The following RXRB variants were observed in gnomAD, a reference collection of about 807,000 sequenced individuals.
RXRB encodes the protein retinoic acid receptor RXR-beta.
Under a neutral mutation model 52.5 loss-of-function variants are expected in RXRB, and 18 were observed. That is an observed-to-expected ratio of 0.34 (90% CI 0.24 to 0.51). RXRB has a LOEUF of 0.51. RXRB is among the 20% of genes least tolerant of loss of function. The pLI, the probability that RXRB is intolerant of heterozygous loss-of-function variation, is 0.97. For synonymous variants in RXRB, 233 were observed against 267.1 expected, an observed-to-expected ratio of 0.87 and a Z score of 1.25; for missense variants, 455 against 698.2, an observed-to-expected ratio of 0.65 and a Z score of 3.92.
At position 33,196,108 on chromosome 6, in the gene RXRB, G is replaced by T; in HGVS notation, c.994-72C>A. On this transcript the variant is annotated intron_variant, in intron 5 of 9. Transcript: ENST00000374680. This position sits in a 1 kb window ranked among gnomAD's most constrained non-coding sequence, Gnocchi z 4.0. ...GGGAGCCCCCTTGTAAGAGGCTTTT[G>T]ACACCCCCTCCTTACATATAGTCTT... The T allele has an allele frequency of 6.3e-7, 1 of 1,582,634 alleles. No individual in the cohort carries two copies.
rs775854918 is a variant in RXRB, at chr6:33,197,231, C to T, written c.820+531G>A. On this transcript the variant is annotated intron_variant, in intron 4 of 9. Coordinates refer to ENST00000374680, the MANE Select transcript of RXRB (RefSeq NM_021976.5). This position sits in a 1 kb window ranked among gnomAD's most constrained non-coding sequence, Gnocchi z 4.4. ...TTGCATGACCTTGGGAAAGCCAAGC[C>T]TCAGGCTCATCTTCTCTAAAGTGGG... Among the ~76,000 whole-genome samples, 1 of 152,232 alleles carries T rather than the reference C, an allele frequency of 6.6e-6. No individual in the cohort carries two copies. Among genetic ancestry groups the T allele is most frequent in the Non-Finnish European group, 1.5e-5 (1 of 68,028 alleles).
chr6:33,200,367 C>T lies in RXRB; in HGVS notation c.110G>A (p.Arg37Gln), dbSNP rs375718015. The change falls in exon 1 of 10, where the codon CGG (arginine) becomes CAG (glutamine). Residue 37 changes from arginine to glutamine, a missense_variant. This residue lies in a region of RXRB where 225 missense variants were observed against 258.6 expected (regional missense o/e 0.87). Coordinates refer to ENST00000374680, the MANE Select transcript of RXRB (RefSeq NM_021976.5). The surrounding 1 kb of genome is among the most constrained non-coding windows in gnomAD (Gnocchi z 6.3). The stretch of plus-strand genomic sequence containing the variant: ...GGGATCCAGCCAGGGCCGTCGCCGC[C>T]GCCACCGGGACGCGACCCCACAATG... ...EMHCGVASRW[R>Q]RRRPWLDPAA... 8 of 1,566,322 alleles carry T rather than the reference C, an allele frequency of 5.1e-6. No homozygotes were observed. In the South Asian group the frequency reaches 5.8e-5, roughly 11 times the overall value.
chr6:33,200,110 G>T lies in RXRB; in HGVS notation c.235+132C>A. The T allele has an allele frequency of 7.8e-7, 1 of 1,281,262 alleles. No individual in the cohort carries two copies. Among genetic ancestry groups the T allele is most frequent in the South Asian group, 1.2e-5 (1 of 84,310 alleles). The allele number at this position is 1,281,262 out of a possible 1,614,324, so 79.4% of individuals were successfully genotyped here. ...CGGGGGGGAGGGTGCTAAGGCCCTC[G>T]GGAGGGAGGGGACGCGTGTTTACAA... is the stretch of plus-strand genomic sequence containing the variant. On this transcript the variant is annotated intron_variant, in intron 1 of 9. Transcript: ENST00000374680. The surrounding 1 kb of genome is among the most constrained non-coding windows in gnomAD (Gnocchi z 6.3).
chr6:33,198,078 G>C, intron 3 of RXRB, 137 bp from the exon 4 acceptor site: 3 of 1,067,874 alleles, frequency 2.8e-6, no homozygotes, highest in South Asian at 1.5e-5. Context: ...CAGGAGCTGA[G>C]TGATGATCCA....
At position 33,194,517 on chromosome 6, in the gene RXRB, G is replaced by A; in HGVS notation, c.*165C>T. On this transcript the variant is annotated 3_prime_UTR_variant, in exon 10 of 10. Coordinates refer to ENST00000374680, the MANE Select transcript of RXRB (RefSeq NM_021976.5). This position sits in a 1 kb window ranked among gnomAD's most constrained non-coding sequence, Gnocchi z 4.1. ...GGTATCTGGGGTCCCTTCCAACTTG[G>A]GATATCAAGCAGATCCCTTGGAGGG... is the stretch of plus-strand genomic sequence containing the variant. 1 of 663,182 alleles carries A rather than the reference G, an allele frequency of 1.5e-6. No individual in the cohort carries two copies. Among genetic ancestry groups the A allele is most frequent in the Non-Finnish European group, 2.4e-6 (1 of 412,572 alleles). The allele number at this position is 663,182 out of a possible 1,614,324, so 41.1% of individuals were successfully genotyped here.
Position 33,198,388 on chromosome 6 carries a change from CG to C in RXRB, c.559del (p.Arg187GlyfsTer84). On this transcript the variant is annotated frameshift_variant, in exon 3 of 10. Coordinates refer to ENST00000374680, the MANE Select transcript of RXRB (RefSeq NM_021976.5). LOFTEE classifies it high-confidence loss of function. ...TGGAGGGGGTGGACAGTGCAGGCCC[CG>C]GACCCCTAAGACTGGTGGCTTCACA... ...EDVKPPVLGVRGLHCPPPPGG... is the reference protein window; with the variant it reads ...EDVKPPVLGVXGLHCPPPPGG... The C allele has an allele frequency of 6.2e-7, 1 of 1,612,562 alleles. No homozygotes were observed. The highest frequency in any genetic ancestry group is 8.5e-7 in the Non-Finnish European group (1 of 1,179,726).
At chr6:33,200,726 C>G, upstream of RXRB, 1 of 1,545,714 alleles carries the variant, frequency 6.5e-7, no homozygotes, top group African/African-American at 1.4e-5. This position sits in a 1 kb window ranked among gnomAD's most constrained non-coding sequence, Gnocchi z 6.3. Context: ...CGGTCTCCTC[C>G]GGCCTGTTAG....
intron 3 of RXRB, 76 bp downstream of exon 3, chr6:33,198,232 A>G (rs574553393): frequency 9.3e-6 from 15 of 1,605,148 alleles, no homozygotes; most frequent in Middle Eastern, 1.7e-4. Context: ...ACCAAACTCC[A>G]TAAGCCCTGG....
Position 33,196,414 on chromosome 6 carries a change from G to A in RXRB, c.993+20C>T, listed in dbSNP as rs773965766. On this transcript the variant is annotated intron_variant, in intron 5 of 9. Coordinates refer to ENST00000374680, the MANE Select transcript of RXRB (RefSeq NM_021976.5). This position sits in a 1 kb window ranked among gnomAD's most constrained non-coding sequence, Gnocchi z 4.0. ...CCCAACCCCCATCACGAAGGAGAGT[G>A]GATTGACCCCAACACTCACGCTGCT... The A allele has an allele frequency of 6.2e-7, 1 of 1,611,238 alleles. No individual in the cohort carries two copies. The highest frequency in any genetic ancestry group is 8.5e-7 in the Non-Finnish European group (1 of 1,178,508).
upstream of RXRB, chr6:33,200,761 A>G (rs1401926885): frequency 1.3e-6 from 2 of 1,539,422 alleles, no homozygotes; most frequent in Non-Finnish European, 1.8e-6. The surrounding 1 kb of genome is among the most constrained non-coding windows in gnomAD (Gnocchi z 6.3). Context: ...CCTCCCCTCA[A>G]ATCACCTCCA....
At position 33,197,752 on chromosome 6, in the gene RXRB, G is replaced by GA; in HGVS notation, c.820+9_820+10insT. 3.1e-6 allele frequency: 5 copies of GA among 1,613,496 alleles called. No individual in the cohort carries two copies. Among genetic ancestry groups the GA allele is most frequent in the Non-Finnish European group, 4.2e-6 (5 of 1,179,824 alleles). On this transcript the variant is annotated intron_variant, in intron 4 of 9. Transcript: ENST00000374680. The surrounding 1 kb of genome is among the most constrained non-coding windows in gnomAD (Gnocchi z 4.4). ...GTGGTCTAAGACGCCTGGGCAGGGC[G>GA]GGTCCTTACCCTCCCTCTTCATGCC... is the stretch of plus-strand genomic sequence containing the variant.
upstream of RXRB, chr6:33,200,717 G>C (rs1179341791): frequency 6.5e-7 from 1 of 1,546,192 alleles, no homozygotes; most frequent in Non-Finnish European, 8.7e-7. The surrounding 1 kb of genome is among the most constrained non-coding windows in gnomAD (Gnocchi z 6.3). Flanking sequence ...CCGAGGAGGC[G>C]GTCTCCTCCG....
chr6:33,196,062 T>C lies in RXRB; in HGVS notation c.994-26A>G, dbSNP rs1010339761. On this transcript the variant is annotated intron_variant, in intron 5 of 9. Coordinates refer to ENST00000374680, the MANE Select transcript of RXRB (RefSeq NM_021976.5). The surrounding 1 kb of genome is among the most constrained non-coding windows in gnomAD (Gnocchi z 4.0). Reference sequence around the variant, plus strand: ...CTGCAGGGGACGGGGGTAAGAGTTATGGAAGATTTTGAGATATGCTGGGAG... The same window carrying C: ...CTGCAGGGGACGGGGGTAAGAGTTACGGAAGATTTTGAGATATGCTGGGAG... The C allele has an allele frequency of 6.2e-7, 1 of 1,612,304 alleles. No homozygotes were observed. Among genetic ancestry groups the C allele is most frequent in the Non-Finnish European group, 8.5e-7 (1 of 1,179,598 alleles).
intron 3 of RXRB, 84 bp from the exon 4 acceptor site, chr6:33,198,025 A>C: frequency 6.9e-7 from 1 of 1,441,416 alleles, no homozygotes; most frequent in Non-Finnish European, 9.5e-7. Flanking sequence ...CCCCTAGCAA[A>C]ACTTAAAGTC....
At position 33,196,309 on chromosome 6, in the gene RXRB, C is replaced by T. The variant is rs752966016; in HGVS notation, c.993+125G>A. On this transcript the variant is annotated intron_variant, in intron 5 of 9. Transcript: ENST00000374680. This position sits in a 1 kb window ranked among gnomAD's most constrained non-coding sequence, Gnocchi z 4.0. ...GTTTGAAAGACCTTGTTTGGCAGCA[C>T]CTCCAGTCCCAAGTAGTGTTAGGAA... 2.1e-5 allele frequency: 23 copies of T among 1,106,640 alleles called. No homozygotes were observed. The highest frequency in any genetic ancestry group is 2.9e-5 in the Non-Finnish European group (21 of 725,106). The allele number at this position is 1,106,640 out of a possible 1,614,324, so 68.6% of individuals were successfully genotyped here.
intron 2 of RXRB, 105 bp downstream of exon 2, chr6:33,199,064 T>G: frequency 1.3e-6 from 1 of 777,492 alleles, no homozygotes; most frequent in Non-Finnish European, 1.8e-6. Flanking sequence ...GGTTAGAGGA[T>G]TGGAAGGTCA....
Position 33,195,964 on chromosome 6 carries a change from T to C in RXRB, c.1066A>G (p.Arg356Gly). Residue 356 changes from arginine (R) to glycine (G), a missense_variant, in exon 6 of 10, where the codon AGG (arginine) becomes GGG (glycine). Arg to Gly is a moderately radical substitution (Grantham distance 125, BLOSUM62 -2). Coordinates refer to ENST00000374680, the MANE Select transcript of RXRB (RefSeq NM_021976.5). The surrounding 1 kb of genome is among the most constrained non-coding windows in gnomAD (Gnocchi z 8.6). Reference protein sequence around the residue: ...QLFTLVEWAKRIPHFSSLPLD... With the variant: ...QLFTLVEWAKGIPHFSSLPLD... Reference sequence around the variant, plus strand: ...GGCAAGGAGGAAAAGTGTGGGATCCTCTTCGCCCACTCAACAAGCGTGAAT... The same window carrying C: ...GGCAAGGAGGAAAAGTGTGGGATCCCCTTCGCCCACTCAACAAGCGTGAAT... 1 of 1,613,052 alleles carries C rather than the reference T, an allele frequency of 6.2e-7. No homozygotes were observed. The highest frequency in any genetic ancestry group is 8.5e-7 in the Non-Finnish European group (1 of 1,180,032).
chr6:33,198,649 G>GC (rs370827892), intron 2 of RXRB, 185 bp from the exon 3 acceptor site: 31 of 713,548 alleles, frequency 4.3e-5, no homozygotes, highest in South Asian at 1.2e-4. Flanking sequence ...GAATAAACAG[G>GC]CCCCCCCTGA....
In RXRB at chr6:33,197,267, A is replaced by G. The variant is rs1773982567; in HGVS notation, c.820+495T>C. ...CTTCTCTAAAGTGGGTGTTTTGACC[A>G]AGATATGCTCTAAAGTGTCTCTCAG... On this transcript the variant is annotated intron_variant, in intron 4 of 9. Transcript: ENST00000374680. The surrounding 1 kb of genome is among the most constrained non-coding windows in gnomAD (Gnocchi z 4.4). 6.6e-6 allele frequency among the ~76,000 whole-genome samples: 1 copy of G among 152,230 alleles called. No homozygotes were observed. The highest frequency in any genetic ancestry group is 2.4e-5 in the African/African-American group (1 of 41,462).
Sources: allele counts gnomAD v4.1 joint callset (sites outside exome capture counted in the v4.1 genomes callset), GRCh38; gene constraint gnomAD v4.1.1; regional missense constraint gnomAD v4.1.1; non-coding constraint Gnocchi (gnomAD v3.1); transcripts MANE v1.5; gene names NCBI Gene and HGNC (gene_info 2026-07-23, HGNC 2026-07-21).